The following TIAL1 variants were observed in gnomAD, a reference collection of about 807,000 sequenced individuals.
TIAL1 encodes TIA1 cytotoxic granule associated RNA binding protein like 1, also known as nucleolysin TIAR.
In TIAL1, 7 loss-of-function variants were observed where a neutral mutation model predicts 59.7. The observed-to-expected ratio is 0.12, with a 90% CI of 0.07 to 0.22. The LOEUF is 0.22. Ranked by LOEUF, TIAL1 falls within the 10% of genes least tolerant of loss-of-function variation. The pLI, the probability that TIAL1 is intolerant of heterozygous loss-of-function variation, is 1.00. For synonymous variants in TIAL1, 149 were observed against 146.3 expected, an observed-to-expected ratio of 1.02 and a Z score of -0.13; for missense variants, 225 against 462.5, an observed-to-expected ratio of 0.49 and a Z score of 4.71.
chr10:119,582,621 T>A lies in TIAL1; in HGVS notation c.130-64A>T. ...TGCTATCGGGTTGCTGAGAAGAAAA[T>A]CCAGGAAAAAACATTACTGATAGCT... is the stretch of plus-strand genomic sequence containing the variant. On this transcript the variant is annotated intron_variant, in intron 2 of 11. Transcript: ENST00000436547. This position sits in a 1 kb window ranked among gnomAD's most constrained non-coding sequence, Gnocchi z 5.1. 6.3e-7 allele frequency: 1 copy of A among 1,586,860 alleles called. No individual in the cohort carries two copies. The highest frequency in any genetic ancestry group is 8.5e-7 in the Non-Finnish European group (1 of 1,170,806).
intron 1 of TIAL1, among the ~76,000 whole-genome samples, chr10:119,593,938 T>TA (rs1346606628): frequency 6.6e-6 from 1 of 152,118 alleles, no homozygotes; most frequent in Non-Finnish European, 1.5e-5. Context: ...CCAGGACTTT[T>TA]AAAAAAGAAC....
rs1202622240 is a variant in TIAL1 at position 119,582,936 on chromosome 10, C to T, written c.130-379G>A. On this transcript the variant is annotated intron_variant, in intron 2 of 11. Coordinates refer to ENST00000436547, the MANE Select transcript of TIAL1 (RefSeq NM_003252.4). The surrounding 1 kb of genome is among the most constrained non-coding windows in gnomAD (Gnocchi z 5.1). ...CTTCTCCAATATTATTTTTAAATTA[C>T]GTTCTACTTATGCATCATAATCCTC... Among the ~76,000 whole-genome samples, 4 of 152,120 alleles carry T rather than the reference C, an allele frequency of 2.6e-5. No homozygotes were observed. Among genetic ancestry groups the T allele is most frequent in the African/African-American group, 7.2e-5 (3 of 41,454 alleles).
At chr10:119,580,899 A>AATT in intron 5 of TIAL1, 1 of 1,048,450 alleles carries the variant, frequency 9.5e-7, no homozygotes, top group Non-Finnish European at 1.2e-6. Flanking sequence ...GACTTAAGAA[A>AATT]AACTGCAGGT....
chr10:119,579,752 T>C (rs984485932), intron 6 of TIAL1, among the ~76,000 whole-genome samples, 183 bp downstream of exon 6: 5 of 152,158 alleles, frequency 3.3e-5, no homozygotes. Flanking sequence ...TTTCTAGCTA[T>C]TTATTTTCGA....
chr10:119,587,730 A>G (rs1845640857), intron 2 of TIAL1, among the ~76,000 whole-genome samples: 1 of 152,192 alleles, frequency 6.6e-6, no homozygotes, highest in Admixed American at 6.5e-5. Context: ...GAAAGTATAA[A>G]AAGGTAAGTA....
At chr10:119,587,798 G>A (rs962228432) in intron 2 of TIAL1, among the ~76,000 whole-genome samples, 1 of 152,148 alleles carries the variant, frequency 6.6e-6, no homozygotes, top group Non-Finnish European at 1.5e-5. Flanking sequence ...ATAACTTCGT[G>A]TTCTCGCACA....
intron 11 of TIAL1, 111 bp from the exon 12 acceptor site, chr10:119,575,902 A>C: frequency 1.0e-6 from 1 of 1,004,012 alleles, no homozygotes; most frequent in Non-Finnish European, 1.4e-6. Flanking sequence ...CCAGAAATCA[A>C]CACACCTACA....
chr10:119,579,851 T>C, intron 6 of TIAL1, 84 bp downstream of exon 6: 1 of 1,024,086 alleles, frequency 9.8e-7, no homozygotes, highest in South Asian at 1.8e-5. Context: ...CATTCAAGTA[T>C]ATTCAAGTTT....
chr10:119,579,894 A>G, intron 6 of TIAL1, 41 bp downstream of exon 6: 3 of 1,494,688 alleles, frequency 2.0e-6, no homozygotes, highest in Non-Finnish European at 1.8e-6. Context: ...TAATGACTAA[A>G]TTTAGTATTA....
chr10:119,587,930 C>A (rs1056633389), intron 2 of TIAL1, among the ~76,000 whole-genome samples: 1 of 152,190 alleles, frequency 6.6e-6, no homozygotes. Flanking sequence ...TTCAAGATAA[C>A]CACACCATGA....
At chr10:119,590,803 A>T (rs1320389783) in intron 1 of TIAL1, among the ~76,000 whole-genome samples, 4 of 149,750 alleles carry the variant, frequency 2.7e-5, no homozygotes, top group Non-Finnish European at 5.9e-5. Flanking sequence ...AAAGAAAGAA[A>T]GAAAGAAAGA....
chr10:119,584,702 G>A (rs1170822753), intron 2 of TIAL1, among the ~76,000 whole-genome samples: 4 of 152,142 alleles, frequency 2.6e-5, no homozygotes, highest in Admixed American at 1.3e-4. Flanking sequence ...GGTGGCGGGC[G>A]CCTGTAATCC....
intron 10 of TIAL1, 88 bp downstream of exon 10, chr10:119,576,987 CTTTAT>C: frequency 2.7e-6 from 4 of 1,494,786 alleles, no homozygotes. Flanking sequence ...TAGCTATATG[CTTTAT>C]TTTATTGTTC....
intron 1 of TIAL1, among the ~76,000 whole-genome samples, chr10:119,594,657 GCT>G (rs1298232365): frequency 6.6e-6 from 1 of 151,960 alleles, no homozygotes; most frequent in Admixed American, 6.6e-5. Flanking sequence ...ACGAACTCTC[GCT>G]CTGTCACCAG....
intron 5 of TIAL1, chr10:119,580,775 T>G (rs1845265406): frequency 9.1e-7 from 1 of 1,096,746 alleles, no homozygotes; most frequent in Non-Finnish European, 1.1e-6. Flanking sequence ...AAAAAAAATC[T>G]ACAACTGAGT....
intron 2 of TIAL1, among the ~76,000 whole-genome samples, chr10:119,585,328 C>T (rs191604509): frequency 0.013 from 1,916 of 143,538 alleles, 39 homozygotes; most frequent in African/African-American, 0.047. Flanking sequence ...TGTGGCGGTG[C>T]TGTCCCAGCT....
chr10:119,584,089 A>AT (rs761864016), intron 2 of TIAL1, among the ~76,000 whole-genome samples: 5 of 152,198 alleles, frequency 3.3e-5, no homozygotes, highest in East Asian at 3.8e-4. Flanking sequence ...TGATAATCCC[A>AT]TACACTTTAG....
intron 1 of TIAL1, among the ~76,000 whole-genome samples, chr10:119,594,649 G>A (rs969738910): frequency 2.0e-5 from 3 of 151,914 alleles, no homozygotes; most frequent in African/African-American, 7.3e-5. Context: ...TTGTTTAGAC[G>A]AACTCTCGCT....
chr10:119,576,827 G>GA, intron 10 of TIAL1, 77 bp from the exon 11 acceptor site: 5 of 1,560,010 alleles, frequency 3.2e-6, no homozygotes, highest in Non-Finnish European at 4.3e-6. Flanking sequence ...AGACAAGGAA[G>GA]AGAAAAACTA....
Sources: gnomAD v4.1 joint callset for allele counts (sites outside exome capture counted in the v4.1 genomes callset) on GRCh38, gnomAD v4.1.1 for gene constraint, Gnocchi (gnomAD v3.1) non-coding constraint, MANE v1.5 for transcripts, NCBI Gene and HGNC (gene_info 2026-07-23, HGNC 2026-07-21) for gene names.